The following PDCD6IP variants were observed in gnomAD, a reference collection of about 807,000 sequenced individuals.
The protein encoded by PDCD6IP is programmed cell death 6 interacting protein, also known as programmed cell death 6-interacting protein.
A neutral mutation model predicts 103.7 loss-of-function variants in PDCD6IP; 43 were observed. The observed-to-expected ratio is 0.41, with a 90% confidence interval of 0.32 to 0.53. The LOEUF (loss-of-function observed/expected upper bound fraction) is 0.53, where lower values mean the gene tolerates loss of function less well. PDCD6IP is among the 20% of genes least tolerant of loss of function. The pLI is 0.16. For missense variants in PDCD6IP, 871 were observed against 1,036.7 expected, an observed-to-expected ratio of 0.84 and a Z score of 2.20; for synonymous variants, 354 against 378.7, an observed-to-expected ratio of 0.93 and a Z score of 0.76.
chr3:33,852,442 T>TC, intron 12 of PDCD6IP, 46 bp from the exon 13 acceptor site: 1 of 1,233,478 alleles, frequency 8.1e-7, no homozygotes, highest in South Asian at 2.0e-5. Context: ...ATTGGCTTTT[T>TC]TTTTTTTTTT....
chr3:33,802,350 T>C (rs1318069752), intron 1 of PDCD6IP, among the ~76,000 whole-genome samples: 1 of 152,300 alleles, frequency 6.6e-6, no homozygotes, highest in East Asian at 1.9e-4. Flanking sequence ...AGCTGTATAC[T>C]CAGCTAAAGG....
chr3:33,808,571 G>T (rs151179948), intron 1 of PDCD6IP, among the ~76,000 whole-genome samples: 1 of 152,086 alleles, frequency 6.6e-6, no homozygotes, highest in East Asian at 1.9e-4. Context: ...GAGCCACAGC[G>T]CCTGGCCTAG....
In PDCD6IP at chr3:33,866,536, C is replaced by T. The variant is rs750462456; in HGVS notation, c.*11C>T. ...TATCCACAGCAGTAATATGTCTGCT[C>T]AGCAGCTCAGCTGATTCAGATCAGA... is the stretch of plus-strand genomic sequence containing the variant. On this transcript the variant is annotated 3_prime_UTR_variant, in exon 18 of 18. Transcript: ENST00000307296. The T allele has an allele frequency of 1.9e-6, 3 of 1,582,566 alleles. No individual in the cohort carries two copies. The highest frequency in any genetic ancestry group is 2.6e-6 in the Non-Finnish European group (3 of 1,167,382).
At chr3:33,816,503 TAAAAAA>T (rs57317946) in intron 3 of PDCD6IP, among the ~76,000 whole-genome samples, 3 of 57,634 alleles carry the variant, frequency 5.2e-5, no homozygotes, top group Non-Finnish European at 1.0e-4. Context: ...AGATTCTGTC[TAAAAAA>T]AAAAAAAAAA....
At chr3:33,863,031 C>A (rs556541902) in intron 15 of PDCD6IP, among the ~76,000 whole-genome samples, 8 of 151,872 alleles carry the variant, frequency 5.3e-5, no homozygotes, top group Non-Finnish European at 1.2e-4. Context: ...AGATTCTAGT[C>A]AAGAATAAAA....
intron 3 of PDCD6IP, among the ~76,000 whole-genome samples, chr3:33,815,168 A>G (rs1046635682): frequency 2.0e-5 from 3 of 149,854 alleles, no homozygotes; most frequent in Admixed American, 6.7e-5. Flanking sequence ...TATATTTTAT[A>G]GTAGATATTA....
At chr3:33,857,400 C>T (rs995252472) in intron 15 of PDCD6IP, among the ~76,000 whole-genome samples, 4 of 151,994 alleles carry the variant, frequency 2.6e-5, no homozygotes, top group Non-Finnish European at 2.9e-5. Context: ...AGGCTGGTCT[C>T]GAACTCCTGA....
chr3:33,802,531 C>G (rs1388293004), intron 1 of PDCD6IP, among the ~76,000 whole-genome samples: 1 of 150,584 alleles, frequency 6.6e-6, no homozygotes, highest in Non-Finnish European at 1.5e-5. Flanking sequence ...CTCTTGTTAC[C>G]CAGGCTGGAG....
chr3:33,861,651 A>G (rs1028133177), intron 15 of PDCD6IP, among the ~76,000 whole-genome samples: 3 of 152,200 alleles, frequency 2.0e-5, no homozygotes, highest in African/African-American at 7.2e-5. Context: ...ACGTGATTGT[A>G]CTAATTTATA....
In PDCD6IP at chr3:33,798,634, A is replaced by G; in HGVS notation, c.-95A>G. The G allele has an allele frequency of 8.4e-7, 1 of 1,185,578 alleles. No individual in the cohort carries two copies. The allele number at this position is 1,185,578 out of a possible 1,614,324, so 73.4% of individuals were successfully genotyped here. A position where few individuals can be genotyped will look rare whatever the true frequency, so the allele number is the denominator to read the frequency against. ...CGGAGCGCAAGTCTGTCAGCCAGTC[A>G]GTCCGCCAGTCCGCCAGCCCAGTAC... On this transcript the variant is annotated 5_prime_UTR_variant, in exon 1 of 18. Coordinates refer to ENST00000307296, the MANE Select transcript of PDCD6IP (RefSeq NM_013374.6).
At chr3:33,842,453 C>T (rs1697496507) in intron 10 of PDCD6IP, among the ~76,000 whole-genome samples, 1 of 151,104 alleles carries the variant, frequency 6.6e-6, no homozygotes, top group African/African-American at 2.4e-5. Flanking sequence ...AAGGTTAAAC[C>T]CTTTAATTTA....
At chr3:33,833,082 A>C (rs1252303799) in intron 7 of PDCD6IP, among the ~76,000 whole-genome samples, 1 of 152,028 alleles carries the variant, frequency 6.6e-6, no homozygotes, top group African/African-American at 2.4e-5. Context: ...CAACTATCTC[A>C]CGTATCATTT....
chr3:33,823,066 C>A (rs570586970), intron 4 of PDCD6IP, among the ~76,000 whole-genome samples: 1 of 151,990 alleles, frequency 6.6e-6, no homozygotes, highest in Non-Finnish European at 1.5e-5. Flanking sequence ...ATATTACTTT[C>A]TAATTTACAA....
At chr3:33,818,733 G>A (rs1339047704) in intron 3 of PDCD6IP, among the ~76,000 whole-genome samples, 9 of 151,652 alleles carry the variant, frequency 5.9e-5, no homozygotes, top group African/African-American at 2.2e-4. Context: ...TGGCCAGAAT[G>A]GTCTTGTTCT....
chr3:33,852,779 C>T (rs1697747508), intron 13 of PDCD6IP, 43 bp downstream of exon 13: 2 of 1,535,200 alleles, frequency 1.3e-6, no homozygotes, highest in African/African-American at 2.8e-5. Context: ...TTAAAAATTA[C>T]AGAAAAGATA....
At chr3:33,805,238 C>T (rs1269078146) in intron 1 of PDCD6IP, among the ~76,000 whole-genome samples, 3 of 151,378 alleles carry the variant, frequency 2.0e-5, no homozygotes, top group Non-Finnish European at 2.9e-5. Context: ...TGCCTGTAAT[C>T]GCAGCTGCTC....
chr3:33,858,163 A>G (rs1158907229), intron 15 of PDCD6IP, among the ~76,000 whole-genome samples: 1 of 152,180 alleles, frequency 6.6e-6, no homozygotes, highest in Non-Finnish European at 1.5e-5. Context: ...AGATGAAGAG[A>G]CCCACTTACA....
chr3:33,835,506 C>CAGG (rs1388313631), intron 7 of PDCD6IP, among the ~76,000 whole-genome samples: 1 of 152,196 alleles, frequency 6.6e-6, no homozygotes, highest in African/African-American at 2.4e-5. Context: ...CACTTAAGAT[C>CAGG]AGGAGTTGGA....
intron 9 of PDCD6IP, 131 bp downstream of exon 9, chr3:33,838,458 C>G (rs1697400053): frequency 3.7e-6 from 3 of 806,744 alleles, no homozygotes; most frequent in Admixed American, 5.2e-5. Flanking sequence ...CACACACTTA[C>G]AACTATTTTT....
Sources: gnomAD v4.1 joint callset for allele counts (sites outside exome capture counted in the v4.1 genomes callset) on GRCh38, gnomAD v4.1.1 for gene constraint, MANE v1.5 for transcripts, NCBI Gene and HGNC (gene_info 2026-07-23, HGNC 2026-07-21) for gene names.